The following LRRC7 variants were observed in gnomAD, a reference collection of about 807,000 sequenced individuals.
The protein encoded by LRRC7 is leucine rich repeat containing 7.
Under a neutral mutation model 175.7 loss-of-function variants are expected in LRRC7, and 23 were observed. The ratio of observed to expected loss-of-function variants is 0.13; its 90% CI spans 0.09 to 0.19. The LOEUF is 0.19. Among genes scored for constraint, LRRC7 ranks in the 10% least tolerant of loss-of-function variants. The pLI is 1.00. For missense variants in LRRC7, 1,354 were observed against 1,904.7 expected (o/e 0.71, Z 5.38); for synonymous variants, 685 against 680.9 (o/e 1.01, Z -0.09).
At chr1:70,047,669 T>C (rs904214617) in intron 22 of LRRC7, among the ~76,000 whole-genome samples, 11 of 152,052 alleles carry the variant, frequency 7.2e-5, no homozygotes, top group Admixed American at 2.0e-4. Context: ...TTTTTTCATA[T>C]TTATTACATG....
chr1:70,033,111 A>G (rs1376233735), intron 18 of LRRC7, among the ~76,000 whole-genome samples: 1 of 152,172 alleles, frequency 6.6e-6, no homozygotes, highest in Non-Finnish European at 1.5e-5. Flanking sequence ...ACTTTGTGAA[A>G]CCCATGTGAG....
At chr1:69,868,863 T>G (rs1298443818) in intron 7 of LRRC7, among the ~76,000 whole-genome samples, 1 of 151,880 alleles carries the variant, frequency 6.6e-6, no homozygotes, top group Non-Finnish European at 1.5e-5. Flanking sequence ...TGTCTTTACA[T>G]GATTTCTCTC....
In LRRC7 at chr1:70,137,384, G is replaced by A. The variant is rs375066036; in HGVS notation, c.*15497G>A. Among the ~76,000 whole-genome samples, 4 of 152,308 alleles carry A rather than the reference G, an allele frequency of 2.6e-5. No homozygotes were observed. The highest frequency in any genetic ancestry group is 4.1e-4 in the South Asian group (2 of 4,826). On this transcript the variant is annotated 3_prime_UTR_variant, in exon 27 of 27. Coordinates refer to ENST00000651989, the MANE Select transcript of LRRC7 (RefSeq NM_001370785.2). ...ACTTAAAGGGATCAATCTGAGGGAA[G>A]AAGAGAAGTTAACCTTTAGTGACCC... is the stretch of plus-strand genomic sequence containing the variant.
At chr1:69,741,569 G>C (rs1340294456) in intron 2 of LRRC7, among the ~76,000 whole-genome samples, 1 of 151,968 alleles carries the variant, frequency 6.6e-6, no homozygotes, top group Non-Finnish European at 1.5e-5. Flanking sequence ...GCAGAAATTT[G>C]ACAGTGATTA....
At chr1:69,905,372 G>C (rs1452379513) in intron 7 of LRRC7, among the ~76,000 whole-genome samples, 1 of 151,768 alleles carries the variant, frequency 6.6e-6, no homozygotes, top group East Asian at 1.9e-4. Context: ...TTGTCATTTA[G>C]CATTAGGTAT....
rs375450265 is a variant in LRRC7, at chr1:70,125,249, C to A, written c.*3362C>A. Reference sequence around the variant, plus strand: ...TATTAGGTTGCTGAAAAAGTAATTGCGGTTTTTACCATTAAAAGTGCAGGC... The same window carrying A: ...TATTAGGTTGCTGAAAAAGTAATTGAGGTTTTTACCATTAAAAGTGCAGGC... On this transcript the variant is annotated 3_prime_UTR_variant, in exon 27 of 27. Transcript: ENST00000651989. Among the ~76,000 whole-genome samples the A allele has an allele frequency of 2.0e-4, 30 of 152,104 alleles. No individual in the cohort carries two copies. The highest frequency in any genetic ancestry group is 5.9e-4 in the Admixed American group (9 of 15,274).
chr1:69,617,547 T>TAAAAAAAAAA (rs11473590), intron 1 of LRRC7, among the ~76,000 whole-genome samples: 8 of 62,004 alleles, frequency 1.3e-4, no homozygotes, highest in African/African-American at 2.4e-4. Context: ...ATACTCACAG[T>TAAAAAAAAAA]AAAAAAAAAA....
intron 23 of LRRC7, 75 bp downstream of exon 23, chr1:70,053,220 G>A: frequency 2.3e-6 from 3 of 1,292,210 alleles, no homozygotes; most frequent in Non-Finnish European, 3.1e-6. Flanking sequence ...AATATTTTGT[G>A]TCTTATCATA....
At position 69,694,421 on chromosome 1, in the gene LRRC7, CT is replaced by C. The variant is rs551056489; in HGVS notation, c.100+15944del. 3.9e-5 allele frequency among the ~76,000 whole-genome samples: 6 copies of C among 152,268 alleles called. No individual in the cohort carries two copies. In the East Asian group the frequency reaches 9.7e-4, roughly 25 times the overall value. On this transcript the variant is annotated intron_variant, in intron 2 of 26. Transcript: ENST00000651989. ...CATAGCTTTAAAAGGCTGATTTTCC[CT>C]GATTTTTTTCTCCTCTTGGAGATTC... is the stretch of plus-strand genomic sequence containing the variant.
intron 1 of LRRC7, among the ~76,000 whole-genome samples, chr1:69,600,727 A>G: frequency 6.9e-6 from 1 of 145,072 alleles, no homozygotes. Context: ...AGTACAAGAT[A>G]CTCCAGGCTT....
intron 1 of LRRC7, among the ~76,000 whole-genome samples, chr1:69,654,611 T>A (rs1325178384): frequency 1.3e-5 from 2 of 152,090 alleles, no homozygotes; most frequent in Non-Finnish European, 2.9e-5. Context: ...GAAGAAGCAA[T>A]GTTATTACTC....
At chr1:69,863,213 A>G (rs1309918525) in intron 7 of LRRC7, among the ~76,000 whole-genome samples, 2 of 152,082 alleles carry the variant, frequency 1.3e-5, no homozygotes, top group Non-Finnish European at 1.5e-5. Flanking sequence ...CTCCTTTTTT[A>G]TCATTTAAAT....
intron 7 of LRRC7, among the ~76,000 whole-genome samples, chr1:69,914,795 C>T (rs947615478): frequency 2.0e-5 from 3 of 152,056 alleles, no homozygotes; most frequent in Admixed American, 1.3e-4. Context: ...AAAACCATGT[C>T]TATTTGTTAA....
At chr1:69,930,989 T>A (rs1647315554) in intron 7 of LRRC7, among the ~76,000 whole-genome samples, 8 of 152,218 alleles carry the variant, frequency 5.3e-5, no homozygotes, top group Admixed American at 5.2e-4. Flanking sequence ...AGACCAAAAC[T>A]GTATCAGTGT....
intron 3 of LRRC7, among the ~76,000 whole-genome samples, chr1:69,776,768 T>C (rs1672857888): frequency 6.6e-6 from 1 of 151,974 alleles, no homozygotes; most frequent in Admixed American, 6.6e-5. Context: ...CTTCTTGCTT[T>C]CCTGGTAACA....
intron 3 of LRRC7, among the ~76,000 whole-genome samples, chr1:69,763,309 A>G (rs1203120918): frequency 2.0e-5 from 3 of 152,054 alleles, no homozygotes; most frequent in Admixed American, 6.6e-5. Context: ...GGATGGCTGC[A>G]GTAGTTCTAG....
intron 7 of LRRC7, chr1:69,919,331 CA>C: frequency 1.7e-6 from 1 of 576,918 alleles, no homozygotes; most frequent in Non-Finnish European, 3.1e-6. Flanking sequence ...ACTTTATTTA[CA>C]AAAACAAGAG....
intron 1 of LRRC7, among the ~76,000 whole-genome samples, chr1:69,665,132 T>G (rs1271822460): frequency 6.6e-6 from 1 of 152,174 alleles, no homozygotes; most frequent in Non-Finnish European, 1.5e-5. Context: ...TGGATTTATC[T>G]CTGGGTTCTC....
At chr1:69,844,581 A>G (rs1276751937) in intron 7 of LRRC7, among the ~76,000 whole-genome samples, 1 of 152,078 alleles carries the variant, frequency 6.6e-6, no homozygotes, top group East Asian at 1.9e-4. Context: ...TTATTCATTC[A>G]TCTGTTGTTG....
Sources: gnomAD v4.1 joint callset for allele counts (sites outside exome capture counted in the v4.1 genomes callset) on GRCh38, gnomAD v4.1.1 for gene constraint, MANE v1.5 for transcripts, NCBI Gene and HGNC (gene_info 2026-07-23, HGNC 2026-07-21) for gene names.